The following TSHZ2 variants were observed in gnomAD, a reference collection of about 807,000 sequenced individuals.
TSHZ2 encodes the protein teashirt zinc finger homeobox 2, also known as teashirt homolog 2.
A neutral mutation model predicts 74.4 loss-of-function variants in TSHZ2; 21 were observed. The observed-to-expected ratio is 0.28, with a 90% confidence interval of 0.20 to 0.41. TSHZ2 has a LOEUF of 0.41. TSHZ2 is among the 10% of genes least tolerant of loss of function. The pLI is 1.00. For missense variants in TSHZ2, 1,244 were observed against 1,293.5 expected (o/e 0.96, Z 0.59); for synonymous variants, 540 against 515.3 (o/e 1.05, Z -0.65).
rs1981845114 is a variant in TSHZ2, at chr20:53,381,176, T to C, written c.*9-105968T>C. On this transcript the variant is annotated intron_variant, in intron 2 of 2. Coordinates refer to ENST00000371497, the MANE Select transcript of TSHZ2 (RefSeq NM_173485.6). The stretch of plus-strand genomic sequence containing the variant: ...TATGTACAAAACACCAATCATGAAG[T>C]TAGTCCACAGCACATGTTAATTACT... Among the ~76,000 whole-genome samples the C allele has an allele frequency of 2.0e-5, 3 of 152,208 alleles. No homozygotes were observed. The South Asian group carries it at 6.2e-4, about 32-fold the overall frequency.
intron 2 of TSHZ2, among the ~76,000 whole-genome samples, chr20:53,463,417 AGGAAGGAAGGAAGGAAGGAG>A (rs1298815583): frequency 1.6e-5 from 2 of 125,916 alleles, no homozygotes; most frequent in East Asian, 5.1e-4. Flanking sequence ...GAAGGAAGGA[AGGAAGGAAGGAAGGAAGGAG>A]GGAGGGAGGG....
At chr20:53,031,271 C>T (rs941673829) in intron 1 of TSHZ2, among the ~76,000 whole-genome samples, 5 of 152,172 alleles carry the variant, frequency 3.3e-5, no homozygotes, top group African/African-American at 1.2e-4. Flanking sequence ...ATGTCTGGGG[C>T]CTGGAGGTCC....
At chr20:53,283,178 C>T (rs113474781) in intron 2 of TSHZ2, among the ~76,000 whole-genome samples, 27 of 152,248 alleles carry the variant, frequency 1.8e-4, no homozygotes, top group African/African-American at 6.5e-4. Flanking sequence ...AAAGCTAAGC[C>T]TTAAAGAGGT....
chr20:53,459,263 T>C (rs373304239), intron 2 of TSHZ2, among the ~76,000 whole-genome samples: 1 of 152,182 alleles, frequency 6.6e-6, no homozygotes, highest in Non-Finnish European at 1.5e-5. Context: ...CATATATATT[T>C]AGGATAGTTA....
chr20:53,325,237 A>G (rs996134134), intron 2 of TSHZ2, among the ~76,000 whole-genome samples: 3 of 152,172 alleles, frequency 2.0e-5, no homozygotes, highest in African/African-American at 4.8e-5. Context: ...TTCTTGGAGC[A>G]CTGCTCTGTG....
At chr20:53,464,357 T>C (rs949958883) in intron 2 of TSHZ2, among the ~76,000 whole-genome samples, 6 of 152,174 alleles carry the variant, frequency 3.9e-5, no homozygotes, top group African/African-American at 9.7e-5. Flanking sequence ...ACGAGCTCTT[T>C]AAACCAGGGG....
At chr20:53,134,456 A>G (rs1242084836) in intron 1 of TSHZ2, among the ~76,000 whole-genome samples, 3 of 152,206 alleles carry the variant, frequency 2.0e-5, no homozygotes, top group South Asian at 4.1e-4. Context: ...ACCTCAATAT[A>G]AATTTTCTCA....
intron 2 of TSHZ2, among the ~76,000 whole-genome samples, chr20:53,484,050 C>G (rs1986228155): frequency 6.6e-6 from 1 of 152,334 alleles, no homozygotes; most frequent in East Asian, 1.9e-4. Context: ...TTCCAAAAGT[C>G]CACCAATTTG....
intron 1 of TSHZ2, among the ~76,000 whole-genome samples, chr20:53,090,084 T>C (rs1157361734): frequency 6.6e-6 from 1 of 152,170 alleles, no homozygotes; most frequent in Non-Finnish European, 1.5e-5. Flanking sequence ...GTGTTGTAAG[T>C]CTAAGAGTCC....
Position 53,463,441 on chromosome 20 carries a change from GGGAGGGAA to G in TSHZ2, c.*9-23699_*9-23692del, listed in dbSNP as rs1568929620. 1.3e-4 allele frequency among the ~76,000 whole-genome samples: 13 copies of G among 102,330 alleles called. No individual in the cohort carries two copies. The South Asian group carries it at 3.0e-3, about 23-fold the overall frequency. The allele number at this position is 102,330 out of a possible 152,430, so 67.1% of individuals were successfully genotyped here. On this transcript the variant is annotated intron_variant, in intron 2 of 2. Transcript: ENST00000371497. ...AAGGAAGGAAGGAAGGAAGGAGGGA[GGGAGGGAA>G]GGAAGGAAGGAAGGTTGGCTTAGGG...
intron 1 of TSHZ2, among the ~76,000 whole-genome samples, chr20:53,182,227 TGAC>T (rs375592765): frequency 6.9e-6 from 1 of 144,124 alleles, no homozygotes; most frequent in Non-Finnish European, 1.5e-5. Context: ...CCTTCCCTCT[TGAC>T]TCCCTCCTTC....
At chr20:53,122,590 G>T (rs1373016150) in intron 1 of TSHZ2, among the ~76,000 whole-genome samples, 1 of 152,094 alleles carries the variant, frequency 6.6e-6, no homozygotes, top group African/African-American at 2.4e-5. Context: ...GGGAAGAGGG[G>T]GCAGCTCTCT....
intron 1 of TSHZ2, among the ~76,000 whole-genome samples, chr20:52,985,371 C>G (rs1176992244): frequency 6.6e-6 from 1 of 152,082 alleles, no homozygotes; most frequent in East Asian, 1.9e-4. Flanking sequence ...GTGGTACTTG[C>G]AATGAAGAAA....
chr20:53,223,326 A>C (rs1568821009), intron 1 of TSHZ2, among the ~76,000 whole-genome samples: 1 of 152,318 alleles, frequency 6.6e-6, no homozygotes, highest in East Asian at 1.9e-4. Context: ...AATATATGAC[A>C]AGAATTATGC....
At chr20:53,347,356 A>T (rs1189167788) in intron 2 of TSHZ2, among the ~76,000 whole-genome samples, 1 of 152,176 alleles carries the variant, frequency 6.6e-6, no homozygotes, top group African/African-American at 2.4e-5. Flanking sequence ...CCACTGGCTG[A>T]TAACCACTGA....
intron 2 of TSHZ2, among the ~76,000 whole-genome samples, chr20:53,294,250 A>G (rs1411810694): frequency 6.6e-6 from 1 of 152,214 alleles, no homozygotes; most frequent in African/African-American, 2.4e-5. Flanking sequence ...ATAACAAAAC[A>G]TGGTAAAGCA....
At chr20:53,079,063 GA>G (rs1275628135) in intron 1 of TSHZ2, among the ~76,000 whole-genome samples, 1 of 152,114 alleles carries the variant, frequency 6.6e-6, no homozygotes, top group Non-Finnish European at 1.5e-5. Context: ...CATTGAAAAG[GA>G]AAAAAGTCTG....
intron 2 of TSHZ2, among the ~76,000 whole-genome samples, chr20:53,433,004 C>T (rs1173643823): frequency 2.6e-5 from 4 of 152,174 alleles, no homozygotes; most frequent in Non-Finnish European, 4.4e-5. Flanking sequence ...TGCAAGATGG[C>T]TGCATCATGT....
intron 1 of TSHZ2, among the ~76,000 whole-genome samples, chr20:52,994,910 G>A (rs1982125452): frequency 6.6e-6 from 1 of 152,132 alleles, no homozygotes; most frequent in African/African-American, 2.4e-5. Context: ...GTGCACTTGA[G>A]GCTCATTTAG....
Sources: gnomAD v4.1 joint callset for allele counts (sites outside exome capture counted in the v4.1 genomes callset) on GRCh38, gnomAD v4.1.1 for gene constraint, MANE v1.5 for transcripts, NCBI Gene and HGNC (gene_info 2026-07-23, HGNC 2026-07-21) for gene names.